Variants in KLHL20 observed in about 807,000 individuals in gnomAD.
KLHL20 encodes kelch like family member 20, also known as kelch-like protein 20.
A neutral mutation model predicts 69.5 loss-of-function variants in KLHL20; 29 were observed. The observed-to-expected ratio is 0.42, with a 90% CI of 0.31 to 0.57. The LOEUF is 0.57. KLHL20 is among the 20% of genes least tolerant of loss of function. The pLI is 0.18. For synonymous variants in KLHL20, 253 were observed against 265.2 expected, an observed-to-expected ratio of 0.95 and a Z score of 0.45; for missense variants, 419 against 776.0, an observed-to-expected ratio of 0.54 and a Z score of 5.47.
intron 3 of KLHL20, among the ~76,000 whole-genome samples, chr1:173,743,119 TAAAA>T (rs34507412): frequency 0.11 from 14,698 of 136,896 alleles, 1,004 homozygotes; most frequent in East Asian, 0.24. Context: ...AAGGAATGTG[TAAAA>T]AAAAAAAAAA....
chr1:173,740,284 G>A (rs12095090), intron 3 of KLHL20, among the ~76,000 whole-genome samples: 13,616 of 150,896 alleles, frequency 0.09, 1,992 homozygotes, highest in African/African-American at 0.31. Flanking sequence ...CACCACGCCC[G>A]GCCAATTTTT....
Position 173,734,083 on chromosome 1 carries a change from A to G in KLHL20, c.394A>G (p.Thr132Ala). ...LIDFAYTSQI[T>A]VEEGNVQTLL... is the part of the protein sequence containing the mutation. ...TGACTTTGCGTATACCTCCCAGATA[A>G]CAGTAGAAGAGGGCAATGTTCAGAC... Residue 132 changes from threonine to alanine, a missense_variant, in exon 3 of 12, where the codon ACA becomes GCA. Thr to Ala is a moderately conservative substitution (Grantham distance 58). Coordinates refer to ENST00000209884, the MANE Select transcript of KLHL20 (RefSeq NM_014458.4). 1 of 1,614,162 alleles carries G rather than the reference A, an allele frequency of 6.2e-7. No individual in the cohort carries two copies. Among genetic ancestry groups the G allele is most frequent in the Admixed American group, 1.7e-5 (1 of 60,022 alleles).
chr1:173,727,881 A>G (rs1277460836), intron 2 of KLHL20, among the ~76,000 whole-genome samples: 1 of 152,202 alleles, frequency 6.6e-6, no homozygotes, highest in East Asian at 1.9e-4. Flanking sequence ...TAATGACAGG[A>G]TCAAATCCAC....
chr1:173,763,134 CA>C (rs776996869), intron 7 of KLHL20, among the ~76,000 whole-genome samples: 2 of 148,906 alleles, frequency 1.3e-5, no homozygotes, highest in East Asian at 1.9e-4. Context: ...ACAATAGCTG[CA>C]AAAAAAAATA....
chr1:173,760,473 A>C (rs1673751525), intron 7 of KLHL20, among the ~76,000 whole-genome samples: 1 of 152,200 alleles, frequency 6.6e-6, no homozygotes, highest in South Asian at 2.1e-4. Flanking sequence ...AGACAGAAGC[A>C]CAGGGTAACT....
chr1:173,766,478 AC>A lies in KLHL20; in HGVS notation c.1295+190del, dbSNP rs1398767724. 6.2e-5 allele frequency among the ~76,000 whole-genome samples: 8 copies of A among 128,652 alleles called. 1 individual carries two copies. The highest frequency in any genetic ancestry group is 1.2e-4 in the African/African-American group (4 of 34,512). The allele number at this position is 128,652 out of a possible 152,430, so 84.4% of individuals were successfully genotyped here. On this transcript the variant is annotated intron_variant, in intron 8 of 11. Coordinates refer to ENST00000209884, the MANE Select transcript of KLHL20 (RefSeq NM_014458.4). Reference sequence around the variant, plus strand: ...TGGGCAACATGGTGAGATAAAAAATACAAAAAAAAAAAAAAAAATTAGCCGG... The same window carrying A: ...TGGGCAACATGGTGAGATAAAAAATAAAAAAAAAAAAAAAAAATTAGCCGG...
chr1:173,778,113 A>C (rs9662213), intron 10 of KLHL20, among the ~76,000 whole-genome samples: 147,251 of 152,098 alleles, frequency 0.97, 71,316 homozygotes, highest in Middle Eastern at 1. Flanking sequence ...ATGTGCACAA[A>C]GTGCAGGTTT....
rs1241676618 is a variant in KLHL20 at position 173,734,274 on chromosome 1, T to C, written c.585T>C (p.His195=). ...GGATAGCAGACAAGTTCACCCAACA[T>C]AACTTTCAAGAGGTGAGTTGCACTT... ...LLRIADKFTQ[H]NFQEVMESEE... The change falls in exon 3 of 12, where the codon CAT becomes CAC. Residue 195 remains histidine (H), a synonymous_variant. Transcript: ENST00000209884. The C allele has an allele frequency of 8.1e-6, 13 of 1,614,082 alleles. No homozygotes were observed. Among genetic ancestry groups the C allele is most frequent in the Non-Finnish European group, 1.1e-5 (13 of 1,180,016 alleles).
Position 173,777,452 on chromosome 1 carries a change from A to G in KLHL20, c.1638+1610A>G, listed in dbSNP as rs116252574. 9.5e-3 allele frequency among the ~76,000 whole-genome samples: 1,454 copies of G among 152,278 alleles called. 10 individuals are homozygous for G. The highest frequency in any genetic ancestry group is 0.022 in the South Asian group (106 of 4,828). On this transcript the variant is annotated intron_variant, in intron 10 of 11. Transcript: ENST00000209884. ...CCTAGGACTTCCAGTACTATACTGA[A>G]TAACAGTGGTGAAAGTGCGCATCCC... is the stretch of plus-strand genomic sequence containing the variant.
chr1:173,716,280 A>G (rs1481591102), intron 2 of KLHL20, among the ~76,000 whole-genome samples: 2 of 152,214 alleles, frequency 1.3e-5, no homozygotes, highest in East Asian at 3.8e-4. Flanking sequence ...GATTGTATGT[A>G]GTGCTAAACA....
chr1:173,742,649 ATG>A (rs149227612), intron 3 of KLHL20, among the ~76,000 whole-genome samples: 1 of 149,904 alleles, frequency 6.7e-6, no homozygotes, highest in Non-Finnish European at 1.5e-5. Context: ...ATATACGTGT[ATG>A]TATATACACG....
intron 8 of KLHL20, among the ~76,000 whole-genome samples, chr1:173,768,746 T>G (rs991911140): frequency 6.6e-6 from 1 of 152,228 alleles, no homozygotes; most frequent in African/African-American, 2.4e-5. Flanking sequence ...TTTTATGTTA[T>G]GTGTGTTTTA....
At chr1:173,727,447 G>A (rs564110323) in intron 2 of KLHL20, among the ~76,000 whole-genome samples, 142 of 152,228 alleles carry the variant, frequency 9.3e-4, no homozygotes, top group African/African-American at 3.1e-3. Flanking sequence ...ACACATAATT[G>A]TCAGATTCAC....
Position 173,774,293 on chromosome 1 carries a change from C to G in KLHL20, c.1296-12C>G, listed in dbSNP as rs1289114737. 1.2e-6 allele frequency: 2 copies of G among 1,614,072 alleles called. No individual in the cohort carries two copies. Among genetic ancestry groups the G allele is most frequent in the Admixed American group, 1.7e-5 (1 of 60,008 alleles). ...TAAGAACAAGCATACAGTCTGGTTT[C>G]CCTCACTGCAGGTATGATCCGAAGG... On this transcript the variant is annotated splice_polypyrimidine_tract_variant and intron_variant, in intron 8 of 11. Coordinates refer to ENST00000209884, the MANE Select transcript of KLHL20 (RefSeq NM_014458.4).
chr1:173,771,023 T>G (rs2102527364), intron 8 of KLHL20, among the ~76,000 whole-genome samples: 1 of 152,300 alleles, frequency 6.6e-6, no homozygotes, highest in South Asian at 2.1e-4. Context: ...GAAACTTAGA[T>G]TATCATCTGG....
chr1:173,780,330 A>G (rs1039321230), intron 10 of KLHL20, among the ~76,000 whole-genome samples: 1 of 152,202 alleles, frequency 6.6e-6, no homozygotes, highest in African/African-American at 2.4e-5. Flanking sequence ...AATAAACCCT[A>G]CAGTAGTGTT....
intron 3 of KLHL20, among the ~76,000 whole-genome samples, chr1:173,746,342 A>C (rs538073991): frequency 4.6e-5 from 7 of 152,188 alleles, no homozygotes; most frequent in African/African-American, 7.2e-5. Context: ...CAAATGTACT[A>C]TGCAGACTAT....
intron 2 of KLHL20, among the ~76,000 whole-genome samples, chr1:173,716,862 A>G (rs1671486734): frequency 6.6e-6 from 1 of 152,242 alleles, no homozygotes; most frequent in Non-Finnish European, 1.5e-5. Context: ...ACTTGGAGCA[A>G]GAACCAGAAT....
chr1:173,729,032 G>A (rs896541153), intron 2 of KLHL20, among the ~76,000 whole-genome samples: 1 of 152,256 alleles, frequency 6.6e-6, no homozygotes, highest in East Asian at 1.9e-4. Flanking sequence ...AATAAAAAAT[G>A]ATAAAGGGGA....
Sources: gnomAD v4.1 joint callset for allele counts (sites outside exome capture counted in the v4.1 genomes callset) on GRCh38, gnomAD v4.1.1 for gene constraint, MANE v1.5 for transcripts, NCBI Gene and HGNC (gene_info 2026-07-23, HGNC 2026-07-21) for gene names.